SHISAL1: variants seen among roughly 807,000 people sequenced by gnomAD.
SHISAL1 encodes shisa like 1, also known as protein shisa-like-1.
SHISAL1 carries 9 observed loss-of-function variants against 22.6 expected under a neutral mutation model. The ratio of observed to expected loss-of-function variants is 0.40; its 90% CI spans 0.24 to 0.70. The LOEUF is 0.70. SHISAL1 is among the 30% of genes least tolerant of loss of function. The probability of loss-of-function intolerance (pLI) is 0.39; values close to 1 mark genes in which losing one functional copy is unlikely to be tolerated. For synonymous variants in SHISAL1, 119 were observed against 115.4 expected (o/e 1.03, Z -0.20); for missense variants, 246 against 270.6 (o/e 0.91, Z 0.64).
rs1273987255 is a variant in SHISAL1, at chr22:44,306,559, G to C, written c.-32-5582C>G. Among the ~76,000 whole-genome samples, 42 of 30,702 alleles carry C rather than the reference G, an allele frequency of 1.4e-3. 4 individuals are homozygous for C. The highest frequency in any genetic ancestry group is 3.6e-3 in the African/African-American group (41 of 11,512). 20.1% of individuals were successfully genotyped at this position (30,702 alleles called of 152,430 possible). A position where few individuals can be genotyped will look rare whatever the true frequency, so the allele number is the denominator to read the frequency against. ...TGATGACGATGGCATGTGTGGAGGG[G>C]AACTGAGCTCGGGGAGCTGTGATGA... is the stretch of plus-strand genomic sequence containing the variant. On this transcript the variant is annotated intron_variant, in intron 1 of 4. Transcript: ENST00000381176.
chr22:44,306,570 G>A (rs149557751), intron 1 of SHISAL1, among the ~76,000 whole-genome samples: 293 of 19,652 alleles, frequency 0.015, 3 homozygotes, highest in South Asian at 0.031. Flanking sequence ...AACTGAGCTC[G>A]GGGAGCTGTG....
chr22:44,327,431 A>G, the SHISAL1 span, among the ~76,000 whole-genome samples: 2 of 152,166 alleles, frequency 1.3e-5, no homozygotes, highest in Non-Finnish European at 2.9e-5. Context: ...TGACCTGGCC[A>G]CAGCTAAGAG....
At chr22:44,301,339 C>T (rs771155737) in intron 1 of SHISAL1, among the ~76,000 whole-genome samples, 5 of 152,254 alleles carry the variant, frequency 3.3e-5, no homozygotes, top group Non-Finnish European at 4.4e-5. Flanking sequence ...CTTACAGGAC[C>T]CAGGTCCCCT....
In SHISAL1 at chr22:44,246,368, TTTC is replaced by T. The variant is rs1466114414; in HGVS notation, c.*3314_*3316del. Reference sequence around the variant, plus strand: ...ATCTTGTCCTCTTCTCTCTCTCGTTTTTCTTTTTGTATTATTATTATTACAAAT... The same window carrying T: ...ATCTTGTCCTCTTCTCTCTCTCGTTTTTTTTGTATTATTATTATTACAAAT... On this transcript the variant is annotated 3_prime_UTR_variant, in exon 5 of 5. Coordinates refer to ENST00000381176, the MANE Select transcript of SHISAL1 (RefSeq NM_001099294.2). 6.8e-6 allele frequency: 1 copy of T among 147,088 alleles called. No individual in the cohort carries two copies. The highest frequency in any genetic ancestry group is 1.5e-5 in the Non-Finnish European group (1 of 68,026). The allele number at this position is 147,088 out of a possible 1,614,324, so 9.1% of individuals were successfully genotyped here.
chr22:44,303,270 C>A (rs2055445739), intron 1 of SHISAL1, among the ~76,000 whole-genome samples: 1 of 152,044 alleles, frequency 6.6e-6, no homozygotes, highest in African/African-American at 2.4e-5. Context: ...GTGTTCCCCC[C>A]AAATTCACAT....
At chr22:44,275,218 T>C (rs1371734702) in intron 4 of SHISAL1, among the ~76,000 whole-genome samples, 1 of 152,176 alleles carries the variant, frequency 6.6e-6, no homozygotes, top group Non-Finnish European at 1.5e-5. Flanking sequence ...AGAGTACACC[T>C]GCCACCTCCG....
chr22:44,271,677 C>G (rs887465331), intron 4 of SHISAL1, among the ~76,000 whole-genome samples: 3 of 152,210 alleles, frequency 2.0e-5, no homozygotes, highest in African/African-American at 7.2e-5. Flanking sequence ...TCCACTCGCT[C>G]TGCCCTGCAA....
At chr22:44,322,343 C>T in the SHISAL1 span, among the ~76,000 whole-genome samples, 1 of 152,198 alleles carries the variant, frequency 6.6e-6, no homozygotes, top group Non-Finnish European at 1.5e-5. Context: ...TGGTTCTGCC[C>T]ATGAGTTGGA....
rs2055018718 is a variant in SHISAL1, at chr22:44,248,121, C to A, written c.*1564G>T. The A allele has an allele frequency of 6.6e-6, 1 of 151,972 alleles. No homozygotes were observed. Among genetic ancestry groups the A allele is most frequent in the Admixed American group, 6.5e-5 (1 of 15,272 alleles). 9.4% of individuals were successfully genotyped at this position (151,972 alleles called of 1,614,324 possible). ...TGTCCCTCGAACTGAGTTCCTGGCA[C>A]TGAGTTCCCGGCAGAGCACTCACTG... On this transcript the variant is annotated 3_prime_UTR_variant, in exon 5 of 5. Transcript: ENST00000381176.
At chr22:44,309,175 G>T (rs2055500059) in intron 1 of SHISAL1, among the ~76,000 whole-genome samples, 1 of 152,190 alleles carries the variant, frequency 6.6e-6, no homozygotes, top group Non-Finnish European at 1.5e-5. Context: ...GCCACTCAGG[G>T]ATCACCTAAC....
chr22:44,279,573 G>A (rs1199101073), intron 4 of SHISAL1, among the ~76,000 whole-genome samples: 1 of 152,234 alleles, frequency 6.6e-6, no homozygotes, highest in Non-Finnish European at 1.5e-5. Context: ...CACAGGGGAG[G>A]ACGAATGAGT....
chr22:44,305,251 C>A (rs1569225974), intron 1 of SHISAL1, among the ~76,000 whole-genome samples: 2 of 152,228 alleles, frequency 1.3e-5, no homozygotes, highest in Non-Finnish European at 2.9e-5. Flanking sequence ...TGCTGACCTG[C>A]ACTCGGGGCC....
intron 4 of SHISAL1, among the ~76,000 whole-genome samples, chr22:44,263,690 G>A (rs1164817205): frequency 6.6e-6 from 1 of 152,188 alleles, no homozygotes; most frequent in Non-Finnish European, 1.5e-5. Context: ...AGGTTGGAGA[G>A]ATGTCCTTGC....
chr22:44,300,848 C>A (rs71330744), intron 2 of SHISAL1, 31 bp downstream of exon 2: 49 of 1,599,540 alleles, frequency 3.1e-5, no homozygotes, highest in Non-Finnish European at 3.7e-5. Context: ...CCACGTGCCG[C>A]CCCCGCCCCC....
At chr22:44,254,729 TATAATATGTAGAAGGTGGAGGTG>T (rs2055072436) in intron 4 of SHISAL1, among the ~76,000 whole-genome samples, 2 of 151,634 alleles carry the variant, frequency 1.3e-5, no homozygotes, top group Non-Finnish European at 2.9e-5. Flanking sequence ...AAGCAGGAGA[TATAATATGTAGAAGGTGGAGGTG>T]ACAGCTTGGG....
At chr22:44,299,793 T>C (rs1396064185) in intron 2 of SHISAL1, among the ~76,000 whole-genome samples, 5 of 131,894 alleles carry the variant, frequency 3.8e-5, no homozygotes, top group East Asian at 2.3e-4. Flanking sequence ...AAGACAGAGA[T>C]AGAAAAAGAC....
chr22:44,297,530 C>T (rs1048776016), intron 2 of SHISAL1, among the ~76,000 whole-genome samples: 1 of 152,216 alleles, frequency 6.6e-6, no homozygotes, highest in South Asian at 2.1e-4. Flanking sequence ...AACTAGTACC[C>T]TAGGCCCCAA....
intron 3 of SHISAL1, among the ~76,000 whole-genome samples, chr22:44,291,303 C>T (rs2055351028): frequency 6.6e-6 from 1 of 152,182 alleles, no homozygotes; most frequent in Admixed American, 6.5e-5. Context: ...TCTCAAGCTC[C>T]CGGGACCTCT....
chr22:44,274,406 A>G (rs1044944053), intron 4 of SHISAL1, among the ~76,000 whole-genome samples: 1 of 152,138 alleles, frequency 6.6e-6, no homozygotes, highest in African/African-American at 2.4e-5. Context: ...TGGACTCAGG[A>G]ATCTCCCTGC....
Sources: gnomAD v4.1 joint callset for allele counts (sites outside exome capture counted in the v4.1 genomes callset) on GRCh38, gnomAD v4.1.1 for gene constraint, MANE v1.5 for transcripts, NCBI Gene and HGNC (gene_info 2026-07-23, HGNC 2026-07-21) for gene names.